The following AR variants were observed in gnomAD, a reference collection of about 807,000 sequenced individuals.
AR encodes the protein androgen receptor.
In AR, 8 loss-of-function variants were observed where a neutral mutation model predicts 53.9. The observed-to-expected ratio is 0.15, with a 90% CI of 0.09 to 0.27. The LOEUF (loss-of-function observed/expected upper bound fraction) is 0.27, where lower values mean the gene tolerates loss of function less well. Among genes scored for constraint, AR ranks in the 10% least tolerant of loss-of-function variants. The probability of loss-of-function intolerance (pLI) is 1.00; values close to 1 mark genes in which losing one functional copy is unlikely to be tolerated. For synonymous variants in AR, 359 were observed against 316.4 expected (o/e 1.13, Z -1.43); for missense variants, 639 against 742.5 (o/e 0.86, Z 1.62).
chrX:67,691,345 G>T (rs2075994578), intron 3 of AR, among the ~76,000 whole-genome samples: 1 of 112,204 alleles, frequency 8.9e-6, no homozygotes, highest in African/African-American at 3.2e-5. Context: ...ACTGGTATGT[G>T]TCCTGAGAAA....
At chrX:67,647,452 C>G (rs1926109914) in intron 2 of AR, among the ~76,000 whole-genome samples, 1 of 111,838 alleles carries the variant, frequency 8.9e-6, no homozygotes, top group African/African-American at 3.2e-5. Context: ...AATGTTGCCT[C>G]TAGTTTGGAG....
At chrX:67,551,508 C>G (rs751917610) in intron 1 of AR, among the ~76,000 whole-genome samples, 47 of 111,279 alleles carry the variant, frequency 4.2e-4, no homozygotes, top group African/African-American at 1.4e-3. Flanking sequence ...CATTGGTTGC[C>G]CTTTGTCGTA....
chrX:67,664,797 A>G (rs1037913416), intron 2 of AR, among the ~76,000 whole-genome samples: 1 of 111,694 alleles, frequency 9.0e-6, no homozygotes, highest in Admixed American at 9.4e-5. Flanking sequence ...TTGTTTACCT[A>G]CTCAAGCTTC....
chrX:67,659,162 A>G (rs1397861359), intron 2 of AR, among the ~76,000 whole-genome samples: 2 of 111,147 alleles, frequency 1.8e-5, no homozygotes, highest in Admixed American at 1.9e-4. Flanking sequence ...GAAGTCAGAT[A>G]GCGTTTTCCA....
In AR at chrX:67,627,827, A is replaced by G. The variant is rs1569286954; in HGVS notation, c.1617-15429A>G. ...TTGATTTTTGTATAAGGTGTAAGGA[A>G]GGGATCCAGTTTCAGCTTTCTACAT... On this transcript the variant is annotated intron_variant, in intron 1 of 7. Transcript: ENST00000374690. Among the ~76,000 whole-genome samples the G allele has an allele frequency of 2.7e-5, 3 of 111,757 alleles. No homozygotes were observed. In the Admixed American group the frequency reaches 2.9e-4, roughly 11 times the overall value.
Position 67,727,342 on chromosome X carries a change from C to T in AR, c.*3501C>T, listed in dbSNP as rs1021600306. 2.9e-5 allele frequency: 5 copies of T among 169,586 alleles called. No homozygotes were observed. The East Asian group carries it at 4.3e-4, about 14-fold the overall frequency. The allele number at this position is 169,586 out of a possible 1,213,427, so 14.0% of individuals were successfully genotyped here. A position where few individuals can be genotyped will look rare whatever the true frequency, so the allele number is the denominator to read the frequency against. On this transcript the variant is annotated 3_prime_UTR_variant, in exon 8 of 8. Coordinates refer to ENST00000374690, the MANE Select transcript of AR (RefSeq NM_000044.6). ...ACTAAAAAATATAGAGAGCTTCATT[C>T]TGTCCTTTGGGTAGTTGCTGAGGTA...
intron 1 of AR, among the ~76,000 whole-genome samples, chrX:67,565,400 C>T (rs992393733): frequency 6.3e-5 from 7 of 111,480 alleles, no homozygotes; most frequent in African/African-American, 2.3e-4. Context: ...TTTCAAAGGA[C>T]TTAGAGGCTG....
chrX:67,707,547 T>A (rs2076074071), intron 3 of AR, among the ~76,000 whole-genome samples: 1 of 111,820 alleles, frequency 8.9e-6, no homozygotes, highest in South Asian at 3.8e-4. Flanking sequence ...GCACATGAGA[T>A]GGGTTTCCTG....
At chrX:67,676,410 A>G (rs917041809) in intron 2 of AR, among the ~76,000 whole-genome samples, 7 of 112,551 alleles carry the variant, frequency 6.2e-5, no homozygotes, top group Non-Finnish European at 1.1e-4. Context: ...TCCAAATTCA[A>G]TGACAATATT....
chrX:67,701,559 T>A (rs908265050), intron 3 of AR, among the ~76,000 whole-genome samples: 14 of 111,861 alleles, frequency 1.3e-4, no homozygotes, highest in South Asian at 7.6e-4. Context: ...AGGAATTTTT[T>A]AAAAATCTAT....
chrX:67,574,683 A>G (rs190348046), intron 1 of AR, among the ~76,000 whole-genome samples: 16 of 111,702 alleles, frequency 1.4e-4, no homozygotes, highest in Non-Finnish European at 2.6e-4. Flanking sequence ...ATTTCTTTCA[A>G]TTGCTCCTTA....
At chrX:67,680,688 C>T in intron 2 of AR, 1 of 330,587 alleles carries the variant, frequency 3.0e-6, no homozygotes, top group Non-Finnish European at 5.9e-6. Context: ...TAGTGGGTAA[C>T]TTCTCTGCCT....
intron 1 of AR, among the ~76,000 whole-genome samples, chrX:67,628,726 A>G (rs1205034662): frequency 9.0e-6 from 1 of 111,618 alleles, no homozygotes; most frequent in Non-Finnish European, 1.9e-5. Flanking sequence ...GTTTTCAAAG[A>G]GAATGCTTCC....
chrX:67,585,331 C>T (rs1450082292), intron 1 of AR, among the ~76,000 whole-genome samples: 1 of 109,845 alleles, frequency 9.1e-6, no homozygotes, highest in African/African-American at 3.3e-5. Context: ...CTTTATCATT[C>T]AGTATCAACA....
intron 1 of AR, among the ~76,000 whole-genome samples, chrX:67,566,112 ATTTGT>A (rs1921545707): frequency 8.9e-6 from 1 of 112,245 alleles, no homozygotes; most frequent in African/African-American, 3.2e-5. Flanking sequence ...TTGGTTGAAG[ATTTGT>A]TTTATCACTT....
chrX:67,721,268 A>C (rs1245272326), intron 5 of AR, among the ~76,000 whole-genome samples: 1 of 112,191 alleles, frequency 8.9e-6, no homozygotes, highest in Non-Finnish European at 1.9e-5. Flanking sequence ...AATCTCCTTC[A>C]CTGGGAGTTT....
rs968717462 is a variant in AR, at chrX:67,725,290, G to A, written c.*1449G>A. 2.3e-5 allele frequency: 4 copies of A among 172,989 alleles called. No individual in the cohort carries two copies. The highest frequency in any genetic ancestry group is 3.0e-5 in the African/African-American group (1 of 33,582). 14.3% of individuals were successfully genotyped at this position (172,989 alleles called of 1,213,427 possible). ...AAGATTTCTTACCAACTCTCAGATC[G>A]CTGGAGCCCTTAGACAAACTGGAAA... On this transcript the variant is annotated 3_prime_UTR_variant, in exon 8 of 8. Transcript: ENST00000374690.
intron 2 of AR, among the ~76,000 whole-genome samples, chrX:67,644,138 T>C (rs1466208618): frequency 1.8e-5 from 2 of 112,289 alleles, no homozygotes; most frequent in African/African-American, 3.2e-5. Flanking sequence ...GCTCAACCTC[T>C]AGAGGCGCTC....
chrX:67,674,679 G>T (rs1052092541), intron 2 of AR, among the ~76,000 whole-genome samples: 7 of 111,183 alleles, frequency 6.3e-5, no homozygotes, highest in African/African-American at 2.3e-4. Context: ...CCAAGGCTGA[G>T]TCTCTCCCTT....
Sources: allele counts gnomAD v4.1 joint callset (sites outside exome capture counted in the v4.1 genomes callset), GRCh38; gene constraint gnomAD v4.1.1; transcripts MANE v1.5; gene names NCBI Gene and HGNC (gene_info 2026-07-23, HGNC 2026-07-21).